ZNF341: variants seen among roughly 807,000 people sequenced by gnomAD.
ZNF341 encodes the protein zinc finger protein 341.
ZNF341 carries 52 observed loss-of-function variants against 87.7 expected under a neutral mutation model. The observed-to-expected ratio is 0.59, with a 90% CI of 0.47 to 0.75. The LOEUF (loss-of-function observed/expected upper bound fraction) is 0.75. Ranked by LOEUF, ZNF341 falls within the 30% of genes least tolerant of loss-of-function variation. The probability of loss-of-function intolerance (pLI) is 0.00; values close to 1 mark genes in which losing one functional copy is unlikely to be tolerated. For synonymous variants in ZNF341, 459 were observed against 472.7 expected, an observed-to-expected ratio of 0.97 and a Z score of 0.38; for missense variants, 977 against 1,145.9, an observed-to-expected ratio of 0.85 and a Z score of 2.13.
At chr20:33,785,923 C>T (rs897816005) in intron 12 of ZNF341, among the ~76,000 whole-genome samples, 1 of 149,424 alleles carries the variant, frequency 6.7e-6, no homozygotes, top group African/African-American at 2.5e-5. Flanking sequence ...CTCCCCCGGG[C>T]CCCCCCCAGA....
chr20:33,762,004 G>C lies in ZNF341; in HGVS notation c.1171G>C (p.Val391Leu), dbSNP rs1372395743. The change falls in exon 8 of 15, where the codon GTA (valine) becomes CTA (leucine). Residue 391 changes from valine to leucine, a missense_variant. Coordinates refer to ENST00000375200, the MANE Select transcript of ZNF341 (RefSeq NM_001282933.2). ...GGTVSRNSVT[V>L]QVMALNPSRQ... ...CACCGTGTCTCGAAACTCTGTGACC[G>C]TACAGGTCATGGCCCTGAACCCCAG... 1 of 1,603,064 alleles carries C rather than the reference G, an allele frequency of 6.2e-7. No homozygotes were observed. The highest frequency in any genetic ancestry group is 8.5e-7 in the Non-Finnish European group (1 of 1,172,038).
rs765423752 is a variant in ZNF341, at chr20:33,761,994, C to T, written c.1161C>T (p.Asn387=). 1.9e-6 allele frequency: 3 copies of T among 1,606,404 alleles called. No homozygotes were observed. Among genetic ancestry groups the T allele is most frequent in the South Asian group, 1.1e-5 (1 of 90,296 alleles). The change falls in exon 8 of 15, where the codon AAC becomes AAT. Residue 387 remains asparagine (N), a synonymous_variant. Transcript: ENST00000375200. ...ACAGTGGTGGCACCGTGTCTCGAAA[C>T]TCTGTGACCGTACAGGTCATGGCCC... ...PGHSGGTVSR[N]SVTVQVMALN... is the part of the protein sequence containing the mutation.
At position 33,732,032 on chromosome 20, in the gene ZNF341, C is replaced by G. The variant is rs2018571888; in HGVS notation, c.11C>G (p.Ala4Gly). The change falls in exon 1 of 15, where the codon GCG becomes GGG. Residue 4 changes from alanine (A) to glycine (G), a missense_variant. Around this residue, in one of 3 missense-constraint regions of ZNF341, gnomAD observed 515 missense variants for 598.2 expected, o/e 0.86. Transcript: ENST00000375200. This position sits in a 1 kb window ranked among gnomAD's most constrained non-coding sequence, Gnocchi z 4.5. The part of the protein sequence containing the change: MAQ[A>G]IFEALEGMDN... The stretch of plus-strand genomic sequence containing the variant: ...GGCGGCGGCTCCAAGATGGCGCAGG[C>G]GATCTTTGAGGCCCTGGAGGGTGAG... The G allele has an allele frequency of 1.4e-6, 2 of 1,409,340 alleles. No homozygotes were observed. Among genetic ancestry groups the G allele is most frequent in the Non-Finnish European group, 1.9e-6 (2 of 1,076,114 alleles). The allele number at this position is 1,409,340 out of a possible 1,614,324, so 87.3% of individuals were successfully genotyped here. A position where few individuals can be genotyped will look rare whatever the true frequency, so the allele number is the denominator to read the frequency against.
intron 7 of ZNF341, among the ~76,000 whole-genome samples, chr20:33,760,438 T>C (rs1002541131): frequency 6.6e-6 from 1 of 152,170 alleles, no homozygotes; most frequent in Non-Finnish European, 1.5e-5. Context: ...AAACTGGCGC[T>C]GTCCAATATG....
chr20:33,732,710 C>T lies in ZNF341; in HGVS notation c.31+658C>T, dbSNP rs112400827. The stretch of plus-strand genomic sequence containing the variant: ...CCGGCCGGGACGCGGTGTTCCCAGA[C>T]CCAGGCCAGCAAACGCTGGGTGCCG... On this transcript the variant is annotated intron_variant, in intron 1 of 14. Coordinates refer to ENST00000375200, the MANE Select transcript of ZNF341 (RefSeq NM_001282933.2). The surrounding 1 kb of genome is among the most constrained non-coding windows in gnomAD (Gnocchi z 4.5). 0.021 allele frequency among the ~76,000 whole-genome samples: 3,187 copies of T among 152,302 alleles called. 109 individuals carry two copies. The highest frequency in any genetic ancestry group is 0.072 in the African/African-American group (2,997 of 41,552).
chr20:33,741,290 CT>C (rs2018796493), intron 2 of ZNF341, among the ~76,000 whole-genome samples: 2 of 152,210 alleles, frequency 1.3e-5, no homozygotes, highest in Non-Finnish European at 2.9e-5. Context: ...ACAACAATGC[CT>C]GTGCCTTTGC....
At chr20:33,752,118 CTT>C in intron 4 of ZNF341, 1 of 330,712 alleles carries the variant, frequency 3.0e-6, no homozygotes. Flanking sequence ...GCCCCCCCCC[CTT>C]TTTTTTTAAT....
At chr20:33,789,973 A>G (rs2019964232) in intron 14 of ZNF341, among the ~76,000 whole-genome samples, 1 of 152,038 alleles carries the variant, frequency 6.6e-6, no homozygotes, top group South Asian at 2.1e-4. Flanking sequence ...TCAGTTTCTC[A>G]GCGCCTCCTC....
intron 6 of ZNF341, 40 bp from the exon 7 acceptor site, chr20:33,758,676 C>T (rs1192222410): frequency 6.4e-7 from 1 of 1,555,848 alleles, no homozygotes; most frequent in Non-Finnish European, 8.8e-7. Flanking sequence ...CTGAGCTGCA[C>T]CCCCAGCCTC....
At position 33,770,278 on chromosome 20, in the gene ZNF341, C is replaced by T; in HGVS notation, c.1608C>T (p.Asp536=). 1 of 1,360,592 alleles carries T rather than the reference C, an allele frequency of 7.3e-7. No individual in the cohort carries two copies. The highest frequency in any genetic ancestry group is 1.1e-5 in the South Asian group (1 of 87,998). 84.3% of individuals were successfully genotyped at this position (1,360,592 alleles called of 1,614,324 possible). A position where few individuals can be genotyped will look rare whatever the true frequency, so the allele number is the denominator to read the frequency against. ...SLLPQHSPKK[D]NAVYKCVKCV... The stretch of plus-strand genomic sequence containing the variant: ...TGCCACAGCACAGCCCCAAGAAGGA[C>T]AATGCCGTCTACAAGTAAGTGCCTC... The change falls in exon 10 of 15, where the codon GAC becomes GAT. Residue 536 remains aspartate (D), a synonymous_variant. Transcript: ENST00000375200.
At chr20:33,748,556 C>G (rs1032364743) in intron 3 of ZNF341, among the ~76,000 whole-genome samples, 1 of 151,840 alleles carries the variant, frequency 6.6e-6, no homozygotes, top group African/African-American at 2.4e-5. Context: ...CTTGTAGAGA[C>G]AGGGTTTCAC....
chr20:33,775,975 C>T (rs112585836), intron 10 of ZNF341, among the ~76,000 whole-genome samples: 5,550 of 152,190 alleles, frequency 0.036, 322 homozygotes, highest in African/African-American at 0.13. Context: ...ACTAGGATTA[C>T]AGGCATAAGC....
chr20:33,785,847 C>T (rs2019844583), intron 12 of ZNF341, among the ~76,000 whole-genome samples: 1 of 151,948 alleles, frequency 6.6e-6, no homozygotes, highest in East Asian at 1.9e-4. Context: ...TATCATATAC[C>T]TTGGCGATGT....
chr20:33,784,615 C>CT lies in ZNF341; in HGVS notation c.1852+764dup, dbSNP rs542593728. Among the ~76,000 whole-genome samples the CT allele has an allele frequency of 6.0e-3, 841 of 139,534 alleles. 7 individuals carry two copies. Among genetic ancestry groups the CT allele is most frequent in the African/African-American group, 0.019 (724 of 38,016 alleles). The allele number at this position is 139,534 out of a possible 152,430, so 91.5% of individuals were successfully genotyped here. A position where few individuals can be genotyped will look rare whatever the true frequency, so the allele number is the denominator to read the frequency against. ...GGTTGTGTGGAAGGGACTTTTTATT[C>CT]TTTTTTTTTTTTTCTTTGAGACAAA... On this transcript the variant is annotated intron_variant, in intron 12 of 14. Transcript: ENST00000375200.
At chr20:33,781,072 CA>C (rs2019732205) in intron 10 of ZNF341, among the ~76,000 whole-genome samples, 1 of 152,080 alleles carries the variant, frequency 6.6e-6, no homozygotes. Flanking sequence ...GGAGGCAAGG[CA>C]GGGGCAGGGT....
Position 33,734,607 on chromosome 20 carries a change from G to A in ZNF341, c.31+2555G>A, listed in dbSNP as rs936930524. Among the ~76,000 whole-genome samples the A allele has an allele frequency of 3.3e-5, 5 of 152,180 alleles. No homozygotes were observed. The East Asian group carries it at 9.6e-4, about 29-fold the overall frequency. Reference sequence around the variant, plus strand: ...AAGACCCAAGTGGTGCCGCCCCAGAGGGTGCCCTGGTGCCCTGTTCTCCTT... The same window carrying A: ...AAGACCCAAGTGGTGCCGCCCCAGAAGGTGCCCTGGTGCCCTGTTCTCCTT... On this transcript the variant is annotated intron_variant, in intron 1 of 14. Coordinates refer to ENST00000375200, the MANE Select transcript of ZNF341 (RefSeq NM_001282933.2).
At chr20:33,790,386 G>A (rs2019980613) in intron 14 of ZNF341, among the ~76,000 whole-genome samples, 1 of 152,016 alleles carries the variant, frequency 6.6e-6, no homozygotes, top group African/African-American at 2.4e-5. Flanking sequence ...TAATCCTGTA[G>A]ATAATTTTGT....
At chr20:33,763,053 G>A (rs1439633191) in intron 8 of ZNF341, among the ~76,000 whole-genome samples, 7 of 152,110 alleles carry the variant, frequency 4.6e-5, no homozygotes, top group Admixed American at 2.6e-4. Flanking sequence ...AGTAACAGAT[G>A]GCATATGTGA....
Position 33,753,475 on chromosome 20 carries a change from C to G in ZNF341, c.741+52C>G. ...GGACACTGGTCATGGACATCATGGCCAACCCGGACCCATCCTGAGCACCAG... is the reference window on the plus strand; with the variant it reads ...GGACACTGGTCATGGACATCATGGCGAACCCGGACCCATCCTGAGCACCAG... On this transcript the variant is annotated intron_variant, in intron 5 of 14. Coordinates refer to ENST00000375200, the MANE Select transcript of ZNF341 (RefSeq NM_001282933.2). 2.7e-6 allele frequency: 4 copies of G among 1,495,504 alleles called. No individual in the cohort carries two copies. In the South Asian group the frequency reaches 5.4e-5, roughly 20 times the overall value. 92.6% of individuals were successfully genotyped at this position (1,495,504 alleles called of 1,614,324 possible).
Sources: allele counts gnomAD v4.1 joint callset (sites outside exome capture counted in the v4.1 genomes callset), GRCh38; gene constraint gnomAD v4.1.1; regional missense constraint gnomAD v4.1.1; non-coding constraint Gnocchi (gnomAD v3.1); transcripts MANE v1.5; gene names NCBI Gene and HGNC (gene_info 2026-07-23, HGNC 2026-07-21).